Variants in SVEP1 observed in about 807,000 individuals in gnomAD.
SVEP1 encodes the protein sushi, von Willebrand factor type A, EGF and pentraxin domain containing 1, also known as sushi, von Willebrand factor type A, EGF and pentraxin domain-containing protein 1.
Under a neutral mutation model 367.3 loss-of-function variants are expected in SVEP1, and 164 were observed. The observed-to-expected ratio is 0.45, with a 90% CI of 0.39 to 0.51. SVEP1 has a LOEUF of 0.51. Ranked by LOEUF, SVEP1 falls within the 20% of genes least tolerant of loss-of-function variation. The pLI, the probability that SVEP1 is intolerant of heterozygous loss-of-function variation, is 0.00. For synonymous variants in SVEP1, 1,666 were observed against 1,611.6 expected (o/e 1.03, Z -0.81); for missense variants, 4,117 against 4,425.3 (o/e 0.93, Z 1.98).
rs1204046948 is a variant in SVEP1, at chr9:110,441,084, TG to T, written c.4639+2460del. ...ATTGTGTAAATTTTGTAAAAATATTTGGGTAATTAGGCATAAATGGTATTAC... is the reference window on the plus strand; with the variant it reads ...ATTGTGTAAATTTTGTAAAAATATTTGGTAATTAGGCATAAATGGTATTAC... On this transcript the variant is annotated intron_variant, in intron 27 of 47. Coordinates refer to ENST00000374469, the MANE Select transcript of SVEP1 (RefSeq NM_153366.4). Among the ~76,000 whole-genome samples, 6 of 152,300 alleles carry T rather than the reference TG, an allele frequency of 3.9e-5. No individual in the cohort carries two copies. The East Asian group carries it at 1.2e-3, about 29-fold the overall frequency.
chr9:110,565,537 T>A (rs989097876), intron 1 of SVEP1, among the ~76,000 whole-genome samples: 1 of 152,192 alleles, frequency 6.6e-6, no homozygotes, highest in Non-Finnish European at 1.5e-5. Context: ...CAAGGACTGG[T>A]AGAAATATCT....
At chr9:110,534,087 C>T (rs1020726990) in intron 3 of SVEP1, among the ~76,000 whole-genome samples, 1 of 152,064 alleles carries the variant, frequency 6.6e-6, no homozygotes, top group Non-Finnish European at 1.5e-5. Flanking sequence ...GGTAAACTCA[C>T]ATCATGGGGG....
At chr9:110,412,028 G>C (rs1283894885) in intron 36 of SVEP1, among the ~76,000 whole-genome samples, 4 of 152,120 alleles carry the variant, frequency 2.6e-5, no homozygotes, top group Admixed American at 2.0e-4. Context: ...ACTTGCATTT[G>C]AGATATATCA....
intron 3 of SVEP1, among the ~76,000 whole-genome samples, chr9:110,539,510 T>C (rs1291233010): frequency 6.6e-6 from 1 of 152,008 alleles, no homozygotes; most frequent in Non-Finnish European, 1.5e-5. Flanking sequence ...AGTATTAGGT[T>C]GAACAATATG....
chr9:110,466,149 G>A, intron 17 of SVEP1, 123 bp from the exon 18 acceptor site: 1 of 1,012,774 alleles, frequency 9.9e-7, no homozygotes, highest in South Asian at 2.1e-5. Flanking sequence ...GGGACCCAGA[G>A]AGCTCTTTCT....
chr9:110,536,199 A>G (rs1024677307), intron 3 of SVEP1, among the ~76,000 whole-genome samples: 1 of 152,076 alleles, frequency 6.6e-6, no homozygotes, highest in Non-Finnish European at 1.5e-5. Flanking sequence ...TTCTGCATCT[A>G]TTGAGATAAT....
chr9:110,549,871 T>C lies in SVEP1; in HGVS notation c.765A>G (p.Leu255=). 1 of 1,613,824 alleles carries C rather than the reference T, an allele frequency of 6.2e-7. No individual in the cohort carries two copies. Among genetic ancestry groups the C allele is most frequent in the Non-Finnish European group, 8.5e-7 (1 of 1,179,816 alleles). The change falls in exon 2 of 48, where the codon TTA becomes TTG. Residue 255 remains leucine, a synonymous_variant. Transcript: ENST00000374469. ...LLHSFEEFEA[L]ARRALHEDLP... Reference sequence around the variant, plus strand: ...TACCTTCATGCAATGCCCGGCGAGCTAAAGCCTCAAATTCTTCAAAACTGT... The same window carrying C: ...TACCTTCATGCAATGCCCGGCGAGCCAAAGCCTCAAATTCTTCAAAACTGT...
chr9:110,563,744 C>T (rs1431111809), intron 1 of SVEP1, among the ~76,000 whole-genome samples: 1 of 152,152 alleles, frequency 6.6e-6, no homozygotes, highest in Non-Finnish European at 1.5e-5. Flanking sequence ...ATGGTGGCTA[C>T]TTCCTCCAAC....
intron 39 of SVEP1, among the ~76,000 whole-genome samples, chr9:110,403,420 T>G (rs1827900061): frequency 6.7e-6 from 1 of 149,886 alleles, no homozygotes; most frequent in African/African-American, 2.5e-5. Flanking sequence ...TTCTCCTGTC[T>G]CAGCCTCCCG....
rs1588103790 is a variant in SVEP1, at chr9:110,548,833, C to G, written c.787+1016G>C. On this transcript the variant is annotated intron_variant, in intron 2 of 47. Transcript: ENST00000374469. The stretch of plus-strand genomic sequence containing the variant: ...AGCATCATCCCTCAGAGAGATAAAT[C>G]TTTTTTGCTTTATGCATGGTGGCTC... Among the ~76,000 whole-genome samples, 3 of 152,222 alleles carry G rather than the reference C, an allele frequency of 2.0e-5. No individual in the cohort carries two copies. In the South Asian group the frequency reaches 6.2e-4, roughly 32 times the overall value.
chr9:110,482,218 T>C (rs1179642642), intron 11 of SVEP1, 143 bp downstream of exon 11: 4 of 866,796 alleles, frequency 4.6e-6, no homozygotes, highest in Admixed American at 3.5e-5. Context: ...GGAATGACAA[T>C]GGAAAACCTA....
At chr9:110,439,160 G>A (rs1346028140) in intron 27 of SVEP1, among the ~76,000 whole-genome samples, 1 of 152,130 alleles carries the variant, frequency 6.6e-6, no homozygotes, top group Non-Finnish European at 1.5e-5. Context: ...GCCTTTGGGA[G>A]GTGATTGGAT....
At chr9:110,517,751 TAAAAAAAAAAAA>T (rs5899902) in intron 3 of SVEP1, among the ~76,000 whole-genome samples, 1 of 50,526 alleles carries the variant, frequency 2.0e-5, no homozygotes. Flanking sequence ...ACCTGGCTCT[TAAAAAAAAAAAA>T]AAAAAAAAAA....
intron 16 of SVEP1, among the ~76,000 whole-genome samples, chr9:110,470,231 T>C (rs1453678094): frequency 6.6e-6 from 1 of 152,100 alleles, no homozygotes; most frequent in Non-Finnish European, 1.5e-5. Flanking sequence ...TTAATGGGCA[T>C]AGAGTCTCCT....
At chr9:110,469,159 CT>C (rs1004591078) in intron 16 of SVEP1, 58 bp from the exon 17 acceptor site, 11 of 1,490,348 alleles carry the variant, frequency 7.4e-6, no homozygotes, top group Middle Eastern at 1.8e-4. Flanking sequence ...ACACACTGGG[CT>C]TTTTTTTCCT....
In SVEP1 at chr9:110,579,626, G is replaced by C; in HGVS notation, c.-83C>G. On this transcript the variant is annotated 5_prime_UTR_variant, in exon 1 of 48. Transcript: ENST00000374469. The surrounding 1 kb of genome is among the most constrained non-coding windows in gnomAD (Gnocchi z 5.3). ...GCGCTGGGCGGCCGGACTCGCAGAGGGGCGTGCGCGGAGCTGGGCGCGGGG... is the reference window on the plus strand; with the variant it reads ...GCGCTGGGCGGCCGGACTCGCAGAGCGGCGTGCGCGGAGCTGGGCGCGGGG... 1 of 1,419,002 alleles carries C rather than the reference G, an allele frequency of 7.0e-7. No homozygotes were observed. The highest frequency in any genetic ancestry group is 2.8e-5 in the East Asian group (1 of 35,772). 87.9% of individuals were successfully genotyped at this position (1,419,002 alleles called of 1,614,324 possible). A position where few individuals can be genotyped will look rare whatever the true frequency, so the allele number is the denominator to read the frequency against.
intron 1 of SVEP1, among the ~76,000 whole-genome samples, chr9:110,576,011 C>A (rs1181193003): frequency 2.0e-5 from 3 of 152,116 alleles, no homozygotes; most frequent in African/African-American, 7.2e-5. Flanking sequence ...GTCTGAACCC[C>A]AGGTCCTGAC....
rs138907893 is a variant in SVEP1 at position 110,386,704 on chromosome 9, CAT to C, written c.10060+579_10060+580del. Among the ~76,000 whole-genome samples the C allele has an allele frequency of 8.5e-3, 1,294 of 152,340 alleles. 22 individuals are homozygous for C. The highest frequency in any genetic ancestry group is 0.029 in the African/African-American group (1,215 of 41,576). ...GTGCTTAGCGCAAGTGTGTGACACA[CAT>C]GTCAACACATATTTCAAGCAATTTC... On this transcript the variant is annotated intron_variant, in intron 42 of 47. Transcript: ENST00000374469.
At chr9:110,517,615 T>A (rs1444208562) in intron 3 of SVEP1, among the ~76,000 whole-genome samples, 337 of 95,172 alleles carry the variant, frequency 3.5e-3, no homozygotes, top group Middle Eastern at 0.025. Flanking sequence ...AAAAAAAAAA[T>A]GTAAAAAATT....
Sources: gnomAD v4.1 joint callset for allele counts (sites outside exome capture counted in the v4.1 genomes callset) on GRCh38, gnomAD v4.1.1 for gene constraint, Gnocchi (gnomAD v3.1) non-coding constraint, MANE v1.5 for transcripts, NCBI Gene and HGNC (gene_info 2026-07-23, HGNC 2026-07-21) for gene names.